Variants in TSPAN8 observed in about 807,000 individuals in gnomAD.
The protein encoded by TSPAN8 is tetraspanin-8.
TSPAN8 carries 21 observed loss-of-function variants against 32.8 expected under a neutral mutation model. The ratio of observed to expected loss-of-function variants is 0.64; its 90% CI spans 0.45 to 0.92. TSPAN8 has a LOEUF of 0.92. TSPAN8 is among the 40% of genes least tolerant of loss of function. The pLI is 0.00. For synonymous variants in TSPAN8, 95 were observed against 94.6 expected (o/e 1.00, Z -0.03); for missense variants, 269 against 281.9 (o/e 0.95, Z 0.33).
At chr12:71,135,389 GA>G (rs771641850) in intron 6 of TSPAN8, among the ~76,000 whole-genome samples, 24 of 143,186 alleles carry the variant, frequency 1.7e-4, no homozygotes, top group Admixed American at 4.2e-4. Context: ...AGGAGGAGGA[GA>G]AGGGGGGACA....
At position 71,139,013 on chromosome 12, in the gene TSPAN8, A is replaced by G. The variant is rs201693722; in HGVS notation, c.261+698T>C. 30 of 179,016 alleles carry G rather than the reference A, an allele frequency of 1.7e-4. No individual in the cohort carries two copies. The African/African-American group carries it at 1.7e-3, about 10-fold the overall frequency. The allele number at this position is 179,016 out of a possible 1,614,324, so 11.1% of individuals were successfully genotyped here. A position where few individuals can be genotyped will look rare whatever the true frequency, so the allele number is the denominator to read the frequency against. ...TATCCATTTTCTACTGTATATGTTA[A>G]AAGTGAATGCCTGTGAATTATCCAA... is the stretch of plus-strand genomic sequence containing the variant. On this transcript the variant is annotated intron_variant, in intron 4 of 8. Coordinates refer to ENST00000247829, the MANE Select transcript of TSPAN8 (RefSeq NM_004616.3).
At chr12:71,138,347 C>G in intron 4 of TSPAN8, 117 bp from the exon 5 acceptor site, 6 of 980,494 alleles carry the variant, frequency 6.1e-6, no homozygotes, top group African/African-American at 3.3e-5. Flanking sequence ...GAGTGTCAGT[C>G]ACACTCTTCA....
At position 71,138,337 on chromosome 12, in the gene TSPAN8, G is replaced by T. The variant is rs1408288780; in HGVS notation, c.262-107C>A. 2.8e-6 allele frequency: 3 copies of T among 1,070,808 alleles called. 1 individual carries two copies. The South Asian group carries it at 4.8e-5, about 17-fold the overall frequency. The allele number at this position is 1,070,808 out of a possible 1,614,324, so 66.3% of individuals were successfully genotyped here. ...TACAGCTGGGATTATATCACAGTGA[G>T]AGTGTCAGTCACACTCTTCATTTAT... is the stretch of plus-strand genomic sequence containing the variant. On this transcript the variant is annotated intron_variant, in intron 4 of 8. Coordinates refer to ENST00000247829, the MANE Select transcript of TSPAN8 (RefSeq NM_004616.3).
chr12:71,139,812 C>G lies in TSPAN8; in HGVS notation c.160G>C (p.Val54Leu). The G allele has an allele frequency of 2.5e-6, 4 of 1,613,546 alleles. No individual in the cohort carries two copies. Among genetic ancestry groups the G allele is most frequent in the Non-Finnish European group, 3.4e-6 (4 of 1,179,660 alleles). The change falls in exon 4 of 9, where the codon GTT becomes CTT. Residue 54 changes from valine to leucine, a missense_variant. Coordinates refer to ENST00000247829, the MANE Select transcript of TSPAN8 (RefSeq NM_004616.3). ...ACAGCAATCAATATGTCCACAGCAA[C>G]GTAGGAGCTAGAGCCTACATCTTCA... ...GSEDVGSSSYVAVDILIAVGA... is the reference protein window; with the variant it reads ...GSEDVGSSSYLAVDILIAVGA...
intron 2 of TSPAN8, among the ~76,000 whole-genome samples, chr12:71,151,778 T>A (rs1705236): frequency 0.075 from 11,416 of 152,260 alleles, 657 homozygotes; most frequent in African/African-American, 0.15. Flanking sequence ...TTGACAAATG[T>A]GCCCACTTAA....
chr12:71,144,089 T>C (rs187854351), intron 3 of TSPAN8, 62 bp downstream of exon 3: 17 of 1,439,538 alleles, frequency 1.2e-5, no homozygotes, highest in Non-Finnish European at 1.6e-5. Flanking sequence ...TGTTATAACT[T>C]TCATTATTAT....
rs1199067164 is a variant in TSPAN8, at chr12:71,156,261, A to AAAC, written c.60+1357_60+1358insGTT. 6.0e-5 allele frequency among the ~76,000 whole-genome samples: 7 copies of AAAC among 116,524 alleles called. 1 individual carries two copies. The highest frequency in any genetic ancestry group is 2.3e-4 in the African/African-American group (6 of 26,372). 76.4% of individuals were successfully genotyped at this position (116,524 alleles called of 152,430 possible). A position where few individuals can be genotyped will look rare whatever the true frequency, so the allele number is the denominator to read the frequency against. On this transcript the variant is annotated intron_variant, in intron 2 of 8. Coordinates refer to ENST00000247829, the MANE Select transcript of TSPAN8 (RefSeq NM_004616.3). ...TATTCAAAGTTCTCCAAAAAAAAAAAAAAAAAACAAACAAAAAAAAAACTA... is the reference window on the plus strand; with the variant it reads ...TATTCAAAGTTCTCCAAAAAAAAAAAAACAAAAAAACAAACAAAAAAAAAACTA...
At chr12:71,131,991 A>C (rs1344519675) in intron 7 of TSPAN8, among the ~76,000 whole-genome samples, 2 of 152,178 alleles carry the variant, frequency 1.3e-5, no homozygotes, top group African/African-American at 4.8e-5. Flanking sequence ...GACTGGTAGA[A>C]AGCTTGGCGC....
chr12:71,126,761 CT>C (rs5799020), intron 8 of TSPAN8, among the ~76,000 whole-genome samples: 48,253 of 146,418 alleles, frequency 0.33, 8,481 homozygotes, highest in Non-Finnish European at 0.42. Context: ...GTGTGTAGCA[CT>C]TTTTTTTTTT....
intron 2 of TSPAN8, 89 bp from the exon 3 acceptor site, chr12:71,144,302 A>T (rs1592407265): frequency 8.5e-7 from 1 of 1,178,886 alleles, no homozygotes; most frequent in East Asian, 2.5e-5. Flanking sequence ...CGGTGACAGT[A>T]GTTCATCATC....
chr12:71,131,380 TC>T (rs1486225877), intron 7 of TSPAN8, among the ~76,000 whole-genome samples: 1 of 152,074 alleles, frequency 6.6e-6, no homozygotes, highest in Admixed American at 6.6e-5. Flanking sequence ...TGACAGCAAT[TC>T]CCCTTCAGGG....
At chr12:71,125,953 A>G (rs1166904425) in intron 8 of TSPAN8, among the ~76,000 whole-genome samples, 1 of 152,162 alleles carries the variant, frequency 6.6e-6, no homozygotes, top group Non-Finnish European at 1.5e-5. Flanking sequence ...TGAAGTGAAA[A>G]AGCACAGCTG....
In TSPAN8 at chr12:71,138,017, A is replaced by T. The variant is rs1315046700; in HGVS notation, c.380T>A (p.Leu127His). ...VNETLYENTK[L>H]LSATGESEKQ... is the part of the protein sequence containing the mutation. ...TTCACTTTCCCCTGTGGCGCTCAAA[A>T]GCTTTGTGTTTTCATAGAGAGTTTC... The change falls in exon 6 of 9, where the codon CTT becomes CAT. Residue 127 changes from leucine to histidine, a missense_variant. Physicochemically the swap from Leu to His is moderately conservative, Grantham distance 99. Transcript: ENST00000247829. 1 of 1,614,016 alleles carries T rather than the reference A, an allele frequency of 6.2e-7. No homozygotes were observed. Among genetic ancestry groups the T allele is most frequent in the Admixed American group, 1.7e-5 (1 of 59,986 alleles).
intron 3 of TSPAN8, among the ~76,000 whole-genome samples, chr12:71,140,627 G>A (rs945560237): frequency 6.6e-6 from 1 of 152,172 alleles, no homozygotes; most frequent in African/African-American, 2.4e-5. Flanking sequence ...GCCCTTTATA[G>A]TGGGTGGGCT....
intron 3 of TSPAN8, among the ~76,000 whole-genome samples, chr12:71,140,091 A>G (rs1419081973): frequency 6.6e-6 from 1 of 152,084 alleles, no homozygotes; most frequent in Non-Finnish European, 1.5e-5. Context: ...AGGTTTTTTT[A>G]AACCGTATTT....
intron 4 of TSPAN8, chr12:71,139,109 T>C (rs77278163): frequency 4.4e-6 from 2 of 456,026 alleles, no homozygotes; most frequent in Admixed American, 2.4e-5. Flanking sequence ...ACTTTTTTTT[T>C]AGCATGGCAT....
At chr12:71,128,263 C>T (rs1592397720) in intron 8 of TSPAN8, among the ~76,000 whole-genome samples, 1 of 152,170 alleles carries the variant, frequency 6.6e-6, no homozygotes, top group East Asian at 1.9e-4. Context: ...CTAATAGCTG[C>T]CTGGGAAATT....
rs572647093 is a variant in TSPAN8, at chr12:71,125,214, C to T, written c.*120G>A. 827 of 781,396 alleles carry T rather than the reference C, an allele frequency of 1.1e-3. 2 individuals carry two copies. The highest frequency in any genetic ancestry group is 9.9e-3 in the Middle Eastern group (41 of 4,122). The allele number at this position is 781,396 out of a possible 1,614,324, so 48.4% of individuals were successfully genotyped here. ...AGAAGATATCTGTGGTCTAGCTAGC[C>T]GAGACATTTTAAAAAGACAGCTGCT... On this transcript the variant is annotated 3_prime_UTR_variant, in exon 9 of 9. Transcript: ENST00000247829.
At chr12:71,149,779 T>C (rs1403636163) in intron 2 of TSPAN8, among the ~76,000 whole-genome samples, 1 of 152,230 alleles carries the variant, frequency 6.6e-6, no homozygotes, top group Admixed American at 6.5e-5. Context: ...AAATTGATTG[T>C]AAAACATGTG....
Sources: gnomAD v4.1 joint callset for allele counts (sites outside exome capture counted in the v4.1 genomes callset) on GRCh38, gnomAD v4.1.1 for gene constraint, MANE v1.5 for transcripts, NCBI Gene and HGNC (gene_info 2026-07-23, HGNC 2026-07-21) for gene names.